SNTB2: variants seen among roughly 807,000 people sequenced by gnomAD.
The protein encoded by SNTB2 is syntrophin beta 2.
SNTB2 carries 34 observed loss-of-function variants against 46.2 expected under a neutral mutation model. That is an observed-to-expected ratio of 0.74 (90% confidence interval 0.56 to 0.98). The LOEUF (loss-of-function observed/expected upper bound fraction) is 0.98, where lower values mean the gene tolerates loss of function less well. SNTB2 is among the 50% of genes least tolerant of loss of function. The pLI is 0.00. For missense variants in SNTB2, 603 were observed against 731.4 expected (o/e 0.82, Z 2.02); for synonymous variants, 290 against 312.6 (o/e 0.93, Z 0.76).
intron 5 of SNTB2, 101 bp downstream of exon 5, chr16:69,284,345 T>C: frequency 2.2e-6 from 2 of 910,992 alleles, no homozygotes; most frequent in East Asian, 2.7e-5. Flanking sequence ...ATTGCATACA[T>C]GACAGCAGTC....
chr16:69,270,733 C>G (rs765692709), intron 4 of SNTB2, among the ~76,000 whole-genome samples: 42 of 152,180 alleles, frequency 2.8e-4, no homozygotes, highest in Admixed American at 1.8e-3. Flanking sequence ...AATGTAAGAA[C>G]ACATCATTTT....
intron 5 of SNTB2, among the ~76,000 whole-genome samples, chr16:69,292,269 T>C (rs1226048085): frequency 6.9e-6 from 1 of 145,968 alleles, no homozygotes; most frequent in Non-Finnish European, 1.5e-5. Context: ...AGACACAAAG[T>C]GGATAACATA....
intron 1 of SNTB2, among the ~76,000 whole-genome samples, chr16:69,196,421 C>T (rs2152289144): frequency 6.8e-6 from 1 of 147,890 alleles, no homozygotes; most frequent in East Asian, 2.0e-4. Flanking sequence ...GTCACCCAGG[C>T]TGGAGTGTAG....
chr16:69,274,231 G>A (rs1036357807), intron 4 of SNTB2, among the ~76,000 whole-genome samples: 4 of 151,194 alleles, frequency 2.6e-5, no homozygotes, highest in African/African-American at 9.7e-5. Flanking sequence ...AGAATCGATT[G>A]AACCCCAGAG....
chr16:69,279,515 CTTTTTTT>C (rs57637291), intron 4 of SNTB2, among the ~76,000 whole-genome samples: 13 of 71,734 alleles, frequency 1.8e-4, no homozygotes, highest in South Asian at 4.5e-4. Context: ...GTCCTTTGCC[CTTTTTTT>C]TTTTTTTTTT....
intron 1 of SNTB2, among the ~76,000 whole-genome samples, chr16:69,208,908 C>T (rs1020486507): frequency 5.3e-5 from 8 of 151,822 alleles, no homozygotes; most frequent in African/African-American, 1.7e-4. Flanking sequence ...AGCATAGTAC[C>T]TTACTCAAAT....
intron 1 of SNTB2, among the ~76,000 whole-genome samples, chr16:69,189,319 C>A (rs1222940966): frequency 6.6e-6 from 1 of 152,056 alleles, no homozygotes; most frequent in Non-Finnish European, 1.5e-5. Context: ...TTACTCTAAA[C>A]GTGTACCTTG....
intron 1 of SNTB2, among the ~76,000 whole-genome samples, chr16:69,214,379 C>G (rs910035550): frequency 2.0e-5 from 3 of 151,332 alleles, no homozygotes; most frequent in Non-Finnish European, 2.9e-5. Context: ...AACTCCTGAC[C>G]TCAAGTGATC....
At chr16:69,234,225 A>G (rs1334602942) in intron 1 of SNTB2, among the ~76,000 whole-genome samples, 1 of 152,052 alleles carries the variant, frequency 6.6e-6, no homozygotes, top group Non-Finnish European at 1.5e-5. Context: ...CCCAGCTACT[A>G]GGGAGCCTAA....
At chr16:69,249,986 C>A (rs1284955137) in intron 2 of SNTB2, among the ~76,000 whole-genome samples, 1 of 152,004 alleles carries the variant, frequency 6.6e-6, no homozygotes, top group African/African-American at 2.4e-5. Flanking sequence ...GTAATCCCAG[C>A]TATTCGGGAG....
intron 1 of SNTB2, among the ~76,000 whole-genome samples, chr16:69,242,700 G>A (rs549718860): frequency 6.6e-6 from 1 of 152,246 alleles, no homozygotes; most frequent in East Asian, 1.9e-4. Flanking sequence ...TTTGGGGTGG[G>A]AGGAAGCCCA....
chr16:69,307,021 C>T lies in SNTB2; in HGVS notation c.*6097C>T, dbSNP rs1198941873. On this transcript the variant is annotated 3_prime_UTR_variant, in exon 7 of 7. Coordinates refer to ENST00000336278, the MANE Select transcript of SNTB2 (RefSeq NM_006750.4). The stretch of plus-strand genomic sequence containing the variant: ...AGTTTGCAATAATCTTACGTCCATG[C>T]TATTGACACTAATTTTGAAACTGGA... 6.6e-6 allele frequency: 1 copy of T among 152,204 alleles called. No individual in the cohort carries two copies. Among genetic ancestry groups the T allele is most frequent in the African/African-American group, 2.4e-5 (1 of 41,460 alleles). 9.4% of individuals were successfully genotyped at this position (152,204 alleles called of 1,614,324 possible).
intron 5 of SNTB2, among the ~76,000 whole-genome samples, chr16:69,287,630 G>A (rs868572309): frequency 6.6e-6 from 1 of 151,964 alleles, no homozygotes; most frequent in South Asian, 2.1e-4. Flanking sequence ...GGGAGACTGA[G>A]GCAGGCAGAT....
chr16:69,269,225 A>G (rs1048169924), intron 3 of SNTB2, among the ~76,000 whole-genome samples: 1 of 152,058 alleles, frequency 6.6e-6, no homozygotes, highest in Non-Finnish European at 1.5e-5. Context: ...GTTTTAAAAA[A>G]TACGATAGAT....
chr16:69,262,995 G>A (rs1250155664), intron 3 of SNTB2, among the ~76,000 whole-genome samples: 1 of 151,904 alleles, frequency 6.6e-6, no homozygotes, highest in Non-Finnish European at 1.5e-5. Context: ...CTATGCAAAA[G>A]ATTACCAGAA....
intron 3 of SNTB2, among the ~76,000 whole-genome samples, chr16:69,265,773 G>T: frequency 6.6e-6 from 1 of 150,538 alleles, no homozygotes; most frequent in African/African-American, 2.5e-5. Flanking sequence ...GTTGCAGTGA[G>T]CCGAGATTGC....
At chr16:69,195,814 G>T (rs1357194816) in intron 1 of SNTB2, among the ~76,000 whole-genome samples, 2 of 152,168 alleles carry the variant, frequency 1.3e-5, no homozygotes, top group Non-Finnish European at 2.9e-5. Context: ...CCAAAATGAT[G>T]GAGACTGCAA....
intron 4 of SNTB2, among the ~76,000 whole-genome samples, chr16:69,277,026 G>C (rs958438328): frequency 3.3e-5 from 5 of 152,214 alleles, no homozygotes; most frequent in Non-Finnish European, 5.9e-5. Context: ...AAGAATGACT[G>C]TTGTCTCAAG....
intron 4 of SNTB2, among the ~76,000 whole-genome samples, chr16:69,275,969 CA>C (rs752515234): frequency 2.0e-4 from 30 of 152,182 alleles, no homozygotes; most frequent in Admixed American, 1.3e-3. Context: ...TCTTCAAAAC[CA>C]AAGCTCTGTA....
Sources: allele counts gnomAD v4.1 joint callset (sites outside exome capture counted in the v4.1 genomes callset), GRCh38; gene constraint gnomAD v4.1.1; transcripts MANE v1.5; gene names NCBI Gene and HGNC (gene_info 2026-07-23, HGNC 2026-07-21).